GIPC2: variants seen among roughly 807,000 people sequenced by gnomAD.
The protein encoded by GIPC2 is GIPC PDZ domain containing family member 2.
GIPC2 carries 30 observed loss-of-function variants against 30.6 expected under a neutral mutation model. The observed-to-expected ratio is 0.98, with a 90% CI of 0.73 to 1.33. The LOEUF is 1.33. Ranked by LOEUF, GIPC2 falls within the 40% of genes most tolerant of loss-of-function variation. The pLI is 0.00. For missense variants in GIPC2, 414 were observed against 390.3 expected, an observed-to-expected ratio of 1.06 and a Z score of -0.51; for synonymous variants, 167 against 150.0, an observed-to-expected ratio of 1.11 and a Z score of -0.83.
rs1661514349 is a variant in GIPC2, at chr1:78,066,514, C to A, written c.241-14161C>A. 3.3e-5 allele frequency among the ~76,000 whole-genome samples: 5 copies of A among 152,158 alleles called. No individual in the cohort carries two copies. In the South Asian group the frequency reaches 1.0e-3, roughly 32 times the overall value. On this transcript the variant is annotated intron_variant, in intron 1 of 5. Coordinates refer to ENST00000370759, the MANE Select transcript of GIPC2 (RefSeq NM_017655.6). The stretch of plus-strand genomic sequence containing the variant: ...ACCTAAAAGTAGACATACCATTTGA[C>A]CCAGCAATCCCATTACTGGATATAT...
At chr1:78,106,420 C>T (rs1258215419) in intron 3 of GIPC2, among the ~76,000 whole-genome samples, 1 of 151,570 alleles carries the variant, frequency 6.6e-6, no homozygotes, top group African/African-American at 2.4e-5. Flanking sequence ...ATTAGCCAGG[C>T]ATGGTGGCAG....
At position 78,100,748 on chromosome 1, in the gene GIPC2, G is replaced by T. The variant is rs1209374698; in HGVS notation, c.607+5616G>T. Among the ~76,000 whole-genome samples the T allele has an allele frequency of 3.3e-5, 5 of 151,894 alleles. No individual in the cohort carries two copies. In the East Asian group the frequency reaches 9.7e-4, roughly 29 times the overall value. ...AGTTTGAGACCAGCCTGGCCAATGT[G>T]GTGAAACCCTGTCTCTACTAAAAAT... On this transcript the variant is annotated intron_variant, in intron 3 of 5. Transcript: ENST00000370759.
At position 78,053,700 on chromosome 1, in the gene GIPC2, G is replaced by A. The variant is rs966658891; in HGVS notation, c.240+7366G>A. 6.1e-5 allele frequency among the ~76,000 whole-genome samples: 8 copies of A among 131,426 alleles called. No homozygotes were observed. The East Asian group carries it at 2.0e-3, about 34-fold the overall frequency. 86.2% of individuals were successfully genotyped at this position (131,426 alleles called of 152,430 possible). A position where few individuals can be genotyped will look rare whatever the true frequency, so the allele number is the denominator to read the frequency against. On this transcript the variant is annotated intron_variant, in intron 1 of 5. Coordinates refer to ENST00000370759, the MANE Select transcript of GIPC2 (RefSeq NM_017655.6). The stretch of plus-strand genomic sequence containing the variant: ...GAAGGGAGAATCCTTGAAGCCAGGA[G>A]TTTGATTGACAACAGCCTGGGCAAC...
chr1:78,080,828 A>G lies in GIPC2; in HGVS notation c.394A>G (p.Thr132Ala), dbSNP rs1429768046. 3 of 1,608,452 alleles carry G rather than the reference A, an allele frequency of 1.9e-6. No homozygotes were observed. Among genetic ancestry groups the G allele is most frequent in the Non-Finnish European group, 8.5e-7 (1 of 1,176,398 alleles). ...KSEDSLGLTI[T>A]DNGVGYAFIK... ...TGAGGATTCACTTGGTCTCACCATT[A>G]CAGATAATGGTGTTGGCTATGCTTT... The change falls in exon 2 of 6, where the codon ACA becomes GCA. Residue 132 changes from threonine (T) to alanine (A), a missense_variant. Physicochemically the swap from Thr to Ala is moderately conservative, Grantham distance 58. Transcript: ENST00000370759.
At position 78,046,017 on chromosome 1, in the gene GIPC2, G is replaced by A; in HGVS notation, c.-78G>A. On this transcript the variant is annotated 5_prime_UTR_variant, in exon 1 of 6. Coordinates refer to ENST00000370759, the MANE Select transcript of GIPC2 (RefSeq NM_017655.6). ...GCTGCTTTTACCTGCGCGGGGCCCG[G>A]GGCGCAAAGTCCGAGGCGCCGGGGG... is the stretch of plus-strand genomic sequence containing the variant. The A allele has an allele frequency of 7.2e-7, 1 of 1,395,908 alleles. No individual in the cohort carries two copies. Among genetic ancestry groups the A allele is most frequent in the Non-Finnish European group, 9.3e-7 (1 of 1,077,768 alleles). 86.5% of individuals were successfully genotyped at this position (1,395,908 alleles called of 1,614,324 possible). A position where few individuals can be genotyped will look rare whatever the true frequency, so the allele number is the denominator to read the frequency against.
At chr1:78,091,748 C>T in intron 2 of GIPC2, 2 of 776,026 alleles carry the variant, frequency 2.6e-6, no homozygotes, top group East Asian at 2.4e-5. Flanking sequence ...TAAATTTGTT[C>T]TCAAGCACAA....
intron 1 of GIPC2, among the ~76,000 whole-genome samples, chr1:78,064,800 G>T (rs1358065125): frequency 6.8e-6 from 1 of 146,392 alleles, no homozygotes; most frequent in African/African-American, 2.5e-5. Flanking sequence ...CTGGAGTGTG[G>T]TGGCACAATC....
At chr1:78,063,879 A>G (rs1661451741) in intron 1 of GIPC2, among the ~76,000 whole-genome samples, 1 of 150,104 alleles carries the variant, frequency 6.7e-6, no homozygotes, top group South Asian at 2.2e-4. Flanking sequence ...GTGACAGAGC[A>G]AGACTCTGTC....
At chr1:78,101,183 G>A (rs1662243729) in intron 3 of GIPC2, among the ~76,000 whole-genome samples, 1 of 152,146 alleles carries the variant, frequency 6.6e-6, no homozygotes, top group African/African-American at 2.4e-5. Context: ...GGAATGGCCA[G>A]ACATGGAGGA....
At chr1:78,084,952 T>G (rs547787062) in intron 2 of GIPC2, among the ~76,000 whole-genome samples, 1 of 152,312 alleles carries the variant, frequency 6.6e-6, no homozygotes, top group Middle Eastern at 3.4e-3. Context: ...CTGATTGCTC[T>G]GGCTAGGACT....
At chr1:78,092,092 G>A in intron 2 of GIPC2, 1 of 1,336,046 alleles carries the variant, frequency 7.5e-7, no homozygotes, top group Non-Finnish European at 1.1e-6. Flanking sequence ...TTGTGTCTGT[G>A]GGTGGCCTGT....
chr1:78,085,998 T>C (rs1402947581), intron 2 of GIPC2, among the ~76,000 whole-genome samples: 4 of 151,884 alleles, frequency 2.6e-5, no homozygotes, highest in African/African-American at 9.7e-5. Flanking sequence ...TCTAGTTCTC[T>C]TAGTTGTGAT....
At chr1:78,083,163 G>T (rs1392975173) in intron 2 of GIPC2, among the ~76,000 whole-genome samples, 1 of 152,062 alleles carries the variant, frequency 6.6e-6, no homozygotes, top group Non-Finnish European at 1.5e-5. Context: ...TTAGGATCCT[G>T]TATTTCATTT....
chr1:78,068,940 C>T (rs1661569171), intron 1 of GIPC2: 1 of 253,198 alleles, frequency 3.9e-6, no homozygotes, highest in Non-Finnish European at 6.2e-6. Flanking sequence ...CCTGTGGTAG[C>T]CTGTCAGCTT....
intron 2 of GIPC2, among the ~76,000 whole-genome samples, chr1:78,086,606 C>G (rs570736777): frequency 1.3e-5 from 2 of 152,102 alleles, no homozygotes; most frequent in African/African-American, 4.8e-5. Context: ...TCTGGGTACT[C>G]CTGTGTTGGG....
At chr1:78,065,210 A>G (rs925317116) in intron 1 of GIPC2, among the ~76,000 whole-genome samples, 3 of 152,188 alleles carry the variant, frequency 2.0e-5, no homozygotes, top group Non-Finnish European at 4.4e-5. Context: ...ACTGTAATTA[A>G]AAGAGTAGAA....
At chr1:78,051,054 C>T (rs1314167311) in intron 1 of GIPC2, among the ~76,000 whole-genome samples, 1 of 151,808 alleles carries the variant, frequency 6.6e-6, no homozygotes, top group Non-Finnish European at 1.5e-5. Flanking sequence ...GTAGTTTTTA[C>T]CATGATATAT....
intron 2 of GIPC2, among the ~76,000 whole-genome samples, chr1:78,085,685 A>C (rs76550417): frequency 1.0e-3 from 154 of 151,478 alleles, no homozygotes; most frequent in African/African-American, 3.5e-3. Flanking sequence ...CATCTCTTCT[A>C]GTTTTCTAGT....
At chr1:78,122,482 C>A (rs141567638) in intron 4 of GIPC2, among the ~76,000 whole-genome samples, 1 of 152,316 alleles carries the variant, frequency 6.6e-6, no homozygotes, top group Non-Finnish European at 1.5e-5. Flanking sequence ...CCTCAAGAAA[C>A]TTACAGTCAT....
Sources: gnomAD v4.1 joint callset for allele counts (sites outside exome capture counted in the v4.1 genomes callset) on GRCh38, gnomAD v4.1.1 for gene constraint, MANE v1.5 for transcripts, NCBI Gene and HGNC (gene_info 2026-07-23, HGNC 2026-07-21) for gene names.